BBOX1: variants seen among roughly 807,000 people sequenced by gnomAD.
BBOX1 encodes the protein gamma-butyrobetaine dioxygenase.
Under a neutral mutation model 41.6 loss-of-function variants are expected in BBOX1, and 35 were observed. The observed-to-expected ratio is 0.84, with a 90% confidence interval of 0.64 to 1.11. BBOX1 has a LOEUF of 1.11. Ranked by LOEUF, BBOX1 falls within the 50% of genes most tolerant of loss-of-function variation. The pLI is 0.00. For missense variants in BBOX1, 458 were observed against 460.6 expected, an observed-to-expected ratio of 0.99 and a Z score of 0.05; for synonymous variants, 163 against 154.7, an observed-to-expected ratio of 1.05 and a Z score of -0.40.
At position 27,109,560 on chromosome 11, in the gene BBOX1, G is replaced by GA. The variant is rs201153377; in HGVS notation, c.534-5886dup. Among the ~76,000 whole-genome samples, 1,198 of 151,888 alleles carry GA rather than the reference G, an allele frequency of 7.9e-3. 19 individuals carry two copies. Among genetic ancestry groups the GA allele is most frequent in the African/African-American group, 0.027 (1,116 of 41,486 alleles). ...GGGAAAAGAACAGAAAAAACTGACAGAAAAAAGAAACCAGAAAAAAAGGCA... is the reference window on the plus strand; with the variant it reads ...GGGAAAAGAACAGAAAAAACTGACAGAAAAAAAGAAACCAGAAAAAAAGGCA... On this transcript the variant is annotated intron_variant, in intron 5 of 8. Transcript: ENST00000263182.
chr11:27,117,279 G>A (rs1859301446), intron 6 of BBOX1, among the ~76,000 whole-genome samples: 1 of 151,856 alleles, frequency 6.6e-6, no homozygotes, highest in Non-Finnish European at 1.5e-5. Context: ...TATCTTCACT[G>A]TACATGTTTT....
chr11:27,081,620 G>A (rs889841368), intron 4 of BBOX1, among the ~76,000 whole-genome samples: 2 of 152,102 alleles, frequency 1.3e-5, no homozygotes, highest in African/African-American at 4.8e-5. Flanking sequence ...AGATTCTTGA[G>A]GAATCACCAC....
chr11:27,058,947 G>A (rs1857063415), intron 4 of BBOX1, among the ~76,000 whole-genome samples: 1 of 152,220 alleles, frequency 6.6e-6, no homozygotes. Flanking sequence ...CAAGCAGACT[G>A]TGGATCAACC....
At chr11:27,115,586 A>C in intron 6 of BBOX1, 29 bp downstream of exon 6, 1 of 1,556,378 alleles carries the variant, frequency 6.4e-7, no homozygotes, top group Non-Finnish European at 8.8e-7. Context: ...ATTTTCCACA[A>C]AGCATGATGA....
chr11:27,049,909 A>G (rs1326242642), intron 2 of BBOX1, among the ~76,000 whole-genome samples: 1 of 152,082 alleles, frequency 6.6e-6, no homozygotes, highest in Non-Finnish European at 1.5e-5. Flanking sequence ...ATTTGGGTTC[A>G]TATCCAAAAA....
chr11:27,097,311 CT>C (rs568732793), intron 5 of BBOX1, among the ~76,000 whole-genome samples: 71 of 152,112 alleles, frequency 4.7e-4, no homozygotes, highest in Non-Finnish European at 9.1e-4. Flanking sequence ...TATGACATGA[CT>C]TAATCCATTG....
chr11:27,072,361 C>T (rs1251565211), intron 4 of BBOX1, among the ~76,000 whole-genome samples: 1 of 152,164 alleles, frequency 6.6e-6, no homozygotes, highest in South Asian at 2.1e-4. Context: ...ATCCAACTTA[C>T]AGGGGACGTG....
chr11:27,043,257 GT>G (rs1851390265), intron 2 of BBOX1, among the ~76,000 whole-genome samples: 1 of 151,962 alleles, frequency 6.6e-6, no homozygotes, highest in African/African-American at 2.4e-5. Context: ...TAGAGACGGG[GT>G]TTCACCGTGT....
intron 4 of BBOX1, among the ~76,000 whole-genome samples, chr11:27,078,702 T>C (rs1857721004): frequency 6.6e-6 from 1 of 152,150 alleles, no homozygotes; most frequent in Admixed American, 6.6e-5. Flanking sequence ...TGTTAGAATT[T>C]GTTAGAAGAG....
intron 4 of BBOX1, among the ~76,000 whole-genome samples, chr11:27,081,963 T>C (rs897250135): frequency 6.6e-6 from 1 of 152,046 alleles, no homozygotes; most frequent in Non-Finnish European, 1.5e-5. Context: ...TTAGCCCTTT[T>C]TCGGATGGAT....
intron 4 of BBOX1, among the ~76,000 whole-genome samples, chr11:27,084,136 C>T (rs1857948145): frequency 6.6e-6 from 1 of 152,146 alleles, no homozygotes. Flanking sequence ...AAGGGGTAGG[C>T]ATGGGTAGCC....
chr11:27,079,160 T>G (rs1238522361), intron 4 of BBOX1, among the ~76,000 whole-genome samples: 1 of 152,184 alleles, frequency 6.6e-6, no homozygotes, highest in East Asian at 1.9e-4. Flanking sequence ...CATGAGAGTA[T>G]CTCAAAGGTG....
intron 4 of BBOX1, among the ~76,000 whole-genome samples, chr11:27,067,786 T>A (rs1236618919): frequency 6.6e-6 from 1 of 151,912 alleles, no homozygotes; most frequent in African/African-American, 2.4e-5. Context: ...TAAAAATTTT[T>A]AAAAAACATA....
chr11:27,060,262 C>T (rs1161695850), intron 4 of BBOX1, among the ~76,000 whole-genome samples: 1 of 152,052 alleles, frequency 6.6e-6, no homozygotes, highest in Non-Finnish European at 1.5e-5. Context: ...AGGTGTGTAG[C>T]AACACCTCCC....
chr11:27,084,831 G>A (rs542445550), intron 4 of BBOX1, among the ~76,000 whole-genome samples: 52 of 152,240 alleles, frequency 3.4e-4, no homozygotes, highest in African/African-American at 7.0e-4. Flanking sequence ...ATGGTTCCTT[G>A]AAAACCAGCA....
intron 2 of BBOX1, among the ~76,000 whole-genome samples, chr11:27,042,877 C>T (rs1263921532): frequency 6.6e-6 from 1 of 151,908 alleles, no homozygotes; most frequent in Admixed American, 6.6e-5. Flanking sequence ...CTCCACCTTA[C>T]CAAGTAAAAA....
At chr11:27,119,175 A>C (rs1189630793) in intron 6 of BBOX1, among the ~76,000 whole-genome samples, 2 of 151,930 alleles carry the variant, frequency 1.3e-5, no homozygotes, top group Non-Finnish European at 1.5e-5. Flanking sequence ...TGAACTGTGC[A>C]TTTTTGCACA....
chr11:27,052,547 T>C (rs1856847520), intron 2 of BBOX1, among the ~76,000 whole-genome samples: 1 of 152,188 alleles, frequency 6.6e-6, no homozygotes, highest in East Asian at 1.9e-4. Flanking sequence ...TTTCCCCTCA[T>C]AGCCTTTTGT....
At chr11:27,108,298 G>T (rs1858935402) in intron 5 of BBOX1, among the ~76,000 whole-genome samples, 1 of 152,000 alleles carries the variant, frequency 6.6e-6, no homozygotes, top group South Asian at 2.1e-4. Context: ...GTTTACCCTT[G>T]ATCATAGAAA....
Sources: gnomAD v4.1 joint callset for allele counts (sites outside exome capture counted in the v4.1 genomes callset) on GRCh38, gnomAD v4.1.1 for gene constraint, MANE v1.5 for transcripts, NCBI Gene and HGNC (gene_info 2026-07-23, HGNC 2026-07-21) for gene names.